SYNJ1: variants seen among roughly 807,000 people sequenced by gnomAD.
SYNJ1 encodes the protein polyphosphatidylinositol phosphatase SYNJ1.
Under a neutral mutation model 168.2 loss-of-function variants are expected in SYNJ1, and 78 were observed. The observed-to-expected ratio is 0.46, with a 90% CI of 0.39 to 0.56. The LOEUF (loss-of-function observed/expected upper bound fraction) is 0.56. Among genes scored for constraint, SYNJ1 ranks in the 20% least tolerant of loss-of-function variants. The probability of loss-of-function intolerance (pLI) is 0.00; values close to 1 mark genes in which losing one functional copy is unlikely to be tolerated. For synonymous variants in SYNJ1, 539 were observed against 548.6 expected (o/e 0.98, Z 0.24); for missense variants, 1,303 against 1,597.6 (o/e 0.82, Z 3.14).
chr21:32,678,359 ACTGC>A (rs2041492125), intron 12 of SYNJ1, among the ~76,000 whole-genome samples: 1 of 152,188 alleles, frequency 6.6e-6, no homozygotes, highest in African/African-American at 2.4e-5. Context: ...TCTATGAAAT[ACTGC>A]CTTGTACAAA....
intron 7 of SYNJ1, among the ~76,000 whole-genome samples, chr21:32,687,422 T>A (rs2041874209): frequency 6.6e-6 from 1 of 152,176 alleles, no homozygotes. Context: ...TGCTCACATG[T>A]GAGGACATCA....
chr21:32,642,014 A>C, intron 28 of SYNJ1, 48 bp from the exon 29 acceptor site: 1 of 1,612,864 alleles, frequency 6.2e-7, no homozygotes, highest in Non-Finnish European at 8.5e-7. Context: ...AAAAATAAAC[A>C]AGAAACCATG....
chr21:32,694,954 G>T, intron 5 of SYNJ1, 103 bp downstream of exon 5: 1 of 1,172,758 alleles, frequency 8.5e-7, no homozygotes, highest in Non-Finnish European at 1.2e-6. Flanking sequence ...AAACATTATA[G>T]ATGTTAAAAT....
Position 32,678,631 on chromosome 21 carries a change from T to G in SYNJ1, c.1510+14A>C, listed in dbSNP as rs921063433. On this transcript the variant is annotated intron_variant, in intron 12 of 32. Coordinates refer to ENST00000674351, the MANE Select transcript of SYNJ1 (RefSeq NM_203446.3). Reference sequence around the variant, plus strand: ...AGGAATATAAATAACAAATAAAATATAAAGTGCACATACCACGCAAACTTC... The same window carrying G: ...AGGAATATAAATAACAAATAAAATAGAAAGTGCACATACCACGCAAACTTC... 4 of 1,569,118 alleles carry G rather than the reference T, an allele frequency of 2.5e-6. No individual in the cohort carries two copies. The highest frequency in any genetic ancestry group is 3.4e-6 in the Non-Finnish European group (4 of 1,164,664).
chr21:32,724,176 A>G (rs1403242233), intron 2 of SYNJ1, among the ~76,000 whole-genome samples: 1 of 152,134 alleles, frequency 6.6e-6, no homozygotes, highest in Non-Finnish European at 1.5e-5. Flanking sequence ...ACAGGGTTAC[A>G]CTTTGCTTTA....
At chr21:32,634,819 G>C (rs774414813) in intron 32 of SYNJ1, 42 bp downstream of exon 32, 18 of 1,606,146 alleles carry the variant, frequency 1.1e-5, no homozygotes, top group Non-Finnish European at 1.5e-5. Flanking sequence ...AATGTGTTGA[G>C]ACGGATGAAA....
chr21:32,696,642 G>A (rs541173807), intron 4 of SYNJ1, among the ~76,000 whole-genome samples: 5 of 152,186 alleles, frequency 3.3e-5, no homozygotes, highest in African/African-American at 4.8e-5. Context: ...TAAGTGCTCC[G>A]TACTCTCTCT....
chr21:32,668,436 C>A (rs1328081712), intron 15 of SYNJ1, among the ~76,000 whole-genome samples: 1 of 152,144 alleles, frequency 6.6e-6, no homozygotes, highest in African/African-American at 2.4e-5. Flanking sequence ...ACAATTGATC[C>A]ATGCACTTAG....
intron 6 of SYNJ1, among the ~76,000 whole-genome samples, chr21:32,691,107 AC>A (rs544460970): frequency 9.9e-5 from 15 of 152,170 alleles, no homozygotes; most frequent in African/African-American, 3.6e-4. Flanking sequence ...GGATCTGTGT[AC>A]CCCCTAAATC....
At chr21:32,645,432 G>A (rs1396214898) in intron 25 of SYNJ1, among the ~76,000 whole-genome samples, 2 of 152,162 alleles carry the variant, frequency 1.3e-5, no homozygotes, top group Non-Finnish European at 2.9e-5. Flanking sequence ...GGCAGCTAAA[G>A]GCAGCTGTGA....
chr21:32,690,001 C>G (rs562873535), intron 6 of SYNJ1, among the ~76,000 whole-genome samples: 26 of 152,220 alleles, frequency 1.7e-4, no homozygotes, highest in Non-Finnish European at 3.2e-4. Context: ...TCACTCCATA[C>G]AAGTTCAAAA....
Position 32,700,101 on chromosome 21 carries a change from A to T in SYNJ1, c.216T>A (p.Asp72Glu). 6.3e-7 allele frequency: 1 copy of T among 1,595,276 alleles called. No homozygotes were observed. Among genetic ancestry groups the T allele is most frequent in the Non-Finnish European group, 8.6e-7 (1 of 1,169,042 alleles). The change falls in exon 4 of 33, where the codon GAT (aspartate) becomes GAA (glutamate). Residue 72 changes from aspartate to glutamate, a missense_variant. This residue lies in a region of SYNJ1 where 920 missense variants were observed against 1,208.8 expected (regional missense o/e 0.76). Transcript: ENST00000674351. ...LLGVLRLNLG[D>E]TMLHYLVLVT... is the part of the protein sequence containing the mutation. ...CTAGGACCAGATAATGTAACATAGT[A>T]TCACCTGCAAAACCCAAAGATTTTA...
rs1038116464 is a variant in SYNJ1, at chr21:32,663,610, C to T, written c.2304+1303G>A. On this transcript the variant is annotated intron_variant, in intron 18 of 32. Coordinates refer to ENST00000674351, the MANE Select transcript of SYNJ1 (RefSeq NM_203446.3). ...CCTGGGTTTCCCTGTCTATGCTGCC[C>T]GAGAAAAGAGAAGCATAGCTATAGG... Among the ~76,000 whole-genome samples the T allele has an allele frequency of 6.6e-5, 10 of 152,090 alleles. No individual in the cohort carries two copies. In the East Asian group the frequency reaches 1.4e-3, roughly 21 times the overall value.
At position 32,631,105 on chromosome 21, in the gene SYNJ1, G is replaced by C; in HGVS notation, c.*700C>G. Reference sequence around the variant, plus strand: ...AGCAGAGGGACAGGAGGTGGAGGAGGTCTTCTTGACGGCAACACACAGAAG... The same window carrying C: ...AGCAGAGGGACAGGAGGTGGAGGAGCTCTTCTTGACGGCAACACACAGAAG... On this transcript the variant is annotated 3_prime_UTR_variant, in exon 33 of 33. Transcript: ENST00000674351. The C allele has an allele frequency of 6.2e-7, 1 of 1,614,172 alleles. No homozygotes were observed. Among genetic ancestry groups the C allele is most frequent in the Non-Finnish European group, 8.5e-7 (1 of 1,180,036 alleles).
At chr21:32,666,616 G>C in intron 15 of SYNJ1, 43 bp from the exon 16 acceptor site, 1 of 1,576,472 alleles carries the variant, frequency 6.3e-7, no homozygotes, top group South Asian at 1.2e-5. Flanking sequence ...AAAAGGTATT[G>C]ACAATAGCCT....
intron 31 of SYNJ1, among the ~76,000 whole-genome samples, chr21:32,636,195 A>T (rs997600522): frequency 5.3e-5 from 8 of 152,212 alleles, no homozygotes; most frequent in Non-Finnish European, 5.9e-5. Context: ...TCACAGTAAC[A>T]GTATAGCAGT....
rs993113463 is a variant in SYNJ1 at position 32,660,518 on chromosome 21, G to A, written c.2305-2646C>T. ...GTTTATTCTAGCAGACCTGACCTTC[G>A]GGACCAGCCATGGGCATCAGCAGAC... On this transcript the variant is annotated intron_variant, in intron 18 of 32. Transcript: ENST00000674351. Among the ~76,000 whole-genome samples, 5 of 152,186 alleles carry A rather than the reference G, an allele frequency of 3.3e-5. No homozygotes were observed. The East Asian group carries it at 5.8e-4, about 18-fold the overall frequency.
chr21:32,643,359 A>G (rs1435318776), intron 27 of SYNJ1, 51 bp downstream of exon 27: 5 of 1,596,860 alleles, frequency 3.1e-6, no homozygotes, highest in Admixed American at 1.7e-5. Context: ...GGGCGCTGAC[A>G]CTGAGAAATA....
chr21:32,631,873 A>G, intron 32 of SYNJ1, 72 bp from the exon 33 acceptor site: 1 of 1,357,382 alleles, frequency 7.4e-7, no homozygotes, highest in Non-Finnish European at 1.0e-6. Flanking sequence ...TCCTGTCTCA[A>G]TTATTCTTCC....
Sources: allele counts gnomAD v4.1 joint callset (sites outside exome capture counted in the v4.1 genomes callset), GRCh38; gene constraint gnomAD v4.1.1; regional missense constraint gnomAD v4.1.1; transcripts MANE v1.5; gene names NCBI Gene and HGNC (gene_info 2026-07-23, HGNC 2026-07-21).